The following UNC5C variants were observed in gnomAD, a reference collection of about 807,000 sequenced individuals.
The protein encoded by UNC5C is netrin receptor UNC5C.
Under a neutral mutation model 99.8 loss-of-function variants are expected in UNC5C, and 47 were observed. That is an observed-to-expected ratio of 0.47 (90% CI 0.37 to 0.60). The LOEUF (loss-of-function observed/expected upper bound fraction) is 0.60. Ranked by LOEUF, UNC5C falls within the 20% of genes least tolerant of loss-of-function variation. UNC5C has a pLI of 0.00. For synonymous variants in UNC5C, 487 were observed against 452.2 expected, an observed-to-expected ratio of 1.08 and a Z score of -0.98; for missense variants, 1,062 against 1,165.9, an observed-to-expected ratio of 0.91 and a Z score of 1.30.
intron 14 of UNC5C, among the ~76,000 whole-genome samples, chr4:95,175,678 T>A (rs918413974): frequency 2.0e-5 from 3 of 152,146 alleles, no homozygotes; most frequent in Non-Finnish European, 4.4e-5. Flanking sequence ...CCCTTAACAT[T>A]TTTTCCTTCA....
At chr4:95,175,491 C>T (rs866485245) in intron 14 of UNC5C, among the ~76,000 whole-genome samples, 31 of 151,654 alleles carry the variant, frequency 2.0e-4, no homozygotes, top group Middle Eastern at 3.4e-3. Flanking sequence ...TTTATTTCTC[C>T]TTCACTTATG....
chr4:95,198,508 AC>A (rs1737523532), intron 12 of UNC5C, among the ~76,000 whole-genome samples: 1 of 152,158 alleles, frequency 6.6e-6, no homozygotes, highest in African/African-American at 2.4e-5. Context: ...GGGCAGAGAG[AC>A]TGTGATTTAA....
chr4:95,537,766 A>G (rs1578215818), intron 1 of UNC5C, among the ~76,000 whole-genome samples: 1 of 152,180 alleles, frequency 6.6e-6, no homozygotes, highest in South Asian at 2.1e-4. Flanking sequence ...CCTTAAAAAT[A>G]TTAGGACACA....
intron 1 of UNC5C, among the ~76,000 whole-genome samples, chr4:95,531,261 A>T (rs1331606355): frequency 2.0e-5 from 3 of 152,194 alleles, no homozygotes; most frequent in Non-Finnish European, 4.4e-5. Context: ...TAATGTTTAA[A>T]CATCTCTCTG....
chr4:95,189,186 G>T (rs1375263224), intron 12 of UNC5C, among the ~76,000 whole-genome samples: 2 of 152,182 alleles, frequency 1.3e-5, no homozygotes, highest in African/African-American at 4.8e-5. Context: ...CCACCTCAGT[G>T]GCCTAGTTTG....
Position 95,456,889 on chromosome 4 carries a change from CTA to C in UNC5C, c.124+91843_124+91844del, listed in dbSNP as rs1271141777. Reference sequence around the variant, plus strand: ...AAGCAAATTAGAACATTTTCTATGACTATAATTATTTTCACTGAAGAAATGAC... The same window carrying C: ...AAGCAAATTAGAACATTTTCTATGACTAATTATTTTCACTGAAGAAATGAC... On this transcript the variant is annotated intron_variant, in intron 1 of 15. Transcript: ENST00000453304. Among the ~76,000 whole-genome samples the C allele has an allele frequency of 7.2e-5, 11 of 152,118 alleles. No individual in the cohort carries two copies. In the East Asian group the frequency reaches 2.1e-3, roughly 29 times the overall value.
In UNC5C at chr4:95,212,606, C is replaced by G. The variant is rs3796456; in HGVS notation, c.1733+3518G>C. ...AAAGTTCTTTCCCCAGTTCTTTCTG[C>G]TTCTGCATTTTCTCGGCTGGAGGTT... On this transcript the variant is annotated intron_variant, in intron 10 of 15. Coordinates refer to ENST00000453304, the MANE Select transcript of UNC5C (RefSeq NM_003728.4). Among the ~76,000 whole-genome samples the G allele has an allele frequency of 2.9e-3, 447 of 152,278 alleles. 5 individuals are homozygous for G. The East Asian group carries it at 0.04, about 14-fold the overall frequency.
intron 10 of UNC5C, among the ~76,000 whole-genome samples, chr4:95,214,685 C>T (rs1738188512): frequency 6.6e-6 from 1 of 152,154 alleles, no homozygotes; most frequent in Non-Finnish European, 1.5e-5. Flanking sequence ...CTTACTGTTT[C>T]TCACCATAAA....
At chr4:95,193,957 C>G (rs1367784422) in intron 12 of UNC5C, among the ~76,000 whole-genome samples, 1 of 144,726 alleles carries the variant, frequency 6.9e-6, no homozygotes, top group Non-Finnish European at 1.5e-5. Context: ...TGCTCTCCCC[C>G]TGAGTTTGTC....
intron 1 of UNC5C, among the ~76,000 whole-genome samples, chr4:95,480,236 T>G (rs951925896): frequency 6.7e-6 from 1 of 148,822 alleles, no homozygotes; most frequent in Non-Finnish European, 1.5e-5. Flanking sequence ...TATACATTCA[T>G]AATGTATATA....
intron 14 of UNC5C, among the ~76,000 whole-genome samples, chr4:95,182,087 G>C (rs1198135105): frequency 6.6e-6 from 1 of 151,490 alleles, no homozygotes; most frequent in Admixed American, 6.6e-5. Context: ...TGGTGTGAAG[G>C]GTTATCAATT....
At chr4:95,538,657 T>A (rs1038325598) in intron 1 of UNC5C, among the ~76,000 whole-genome samples, 4 of 152,186 alleles carry the variant, frequency 2.6e-5, no homozygotes, top group African/African-American at 9.6e-5. Flanking sequence ...GTTTGCTTAA[T>A]CCTAGAATTT....
At chr4:95,398,909 A>G (rs1234212172) in intron 1 of UNC5C, among the ~76,000 whole-genome samples, 1 of 152,216 alleles carries the variant, frequency 6.6e-6, no homozygotes, top group Non-Finnish European at 1.5e-5. Flanking sequence ...CTAATTAGAT[A>G]AAAATCACAG....
chr4:95,245,147 G>A lies in UNC5C; in HGVS notation c.776-3C>T. ...CCAGGTGGACCAGCCACCGTTGACT[G>A]AAAGGAGGCAAACAGTAAAAAGTGG... On this transcript the variant is annotated splice_region_variant and splice_polypyrimidine_tract_variant and intron_variant, in intron 5 of 15. Coordinates refer to ENST00000453304, the MANE Select transcript of UNC5C (RefSeq NM_003728.4). 6.2e-7 allele frequency: 1 copy of A among 1,609,720 alleles called. No individual in the cohort carries two copies. The highest frequency in any genetic ancestry group is 1.1e-5 in the South Asian group (1 of 90,118).
chr4:95,193,725 G>A (rs1038898187), intron 12 of UNC5C, among the ~76,000 whole-genome samples: 9 of 152,134 alleles, frequency 5.9e-5, no homozygotes, highest in African/African-American at 1.7e-4. Flanking sequence ...CAAAAAGAGC[G>A]GCCGCCCTTC....
At chr4:95,249,427 G>A (rs1230968651) in intron 5 of UNC5C, among the ~76,000 whole-genome samples, 3 of 152,154 alleles carry the variant, frequency 2.0e-5, no homozygotes, top group African/African-American at 7.2e-5. Context: ...CATCATTCTG[G>A]AGGTAGCATA....
intron 1 of UNC5C, among the ~76,000 whole-genome samples, chr4:95,516,484 A>G (rs1486584406): frequency 6.6e-6 from 1 of 152,206 alleles, no homozygotes; most frequent in Non-Finnish European, 1.5e-5. Context: ...AGCTGGGCTG[A>G]CTTTTCAGAT....
At chr4:95,311,861 TAA>T (rs1742288840) in intron 2 of UNC5C, among the ~76,000 whole-genome samples, 2 of 152,054 alleles carry the variant, frequency 1.3e-5, no homozygotes, top group African/African-American at 4.8e-5. Context: ...CTGGGCAACA[TAA>T]AGAGACCCTG....
At chr4:95,269,284 TTTTG>T (rs1240335972) in intron 4 of UNC5C, among the ~76,000 whole-genome samples, 6 of 151,860 alleles carry the variant, frequency 4.0e-5, no homozygotes, top group African/African-American at 7.2e-5. Context: ...TGCAGAGTGG[TTTTG>T]TTTGTTTGTT....
Sources: gnomAD v4.1 joint callset for allele counts (sites outside exome capture counted in the v4.1 genomes callset) on GRCh38, gnomAD v4.1.1 for gene constraint, MANE v1.5 for transcripts, NCBI Gene and HGNC (gene_info 2026-07-23, HGNC 2026-07-21) for gene names.